Variants in MAGI2 observed in about 807,000 individuals in gnomAD.
MAGI2 encodes the protein membrane associated guanylate kinase, WW and PDZ domain containing 2.
A neutral mutation model predicts 133.3 loss-of-function variants in MAGI2; 35 were observed. The ratio of observed to expected loss-of-function variants is 0.26; its 90% CI spans 0.20 to 0.35. The LOEUF is 0.35. Ranked by LOEUF, MAGI2 falls within the 10% of genes least tolerant of loss-of-function variation. The probability of loss-of-function intolerance (pLI) is 1.00; values close to 1 mark genes in which losing one functional copy is unlikely to be tolerated. For synonymous variants in MAGI2, 729 were observed against 710.6 expected (o/e 1.03, Z -0.41); for missense variants, 1,636 against 1,863.4 (o/e 0.88, Z 2.25).
intron 1 of MAGI2, among the ~76,000 whole-genome samples, chr7:79,424,674 A>T (rs186300492): frequency 6.6e-6 from 1 of 152,252 alleles, no homozygotes; most frequent in Non-Finnish European, 1.5e-5. Context: ...AATTACATAA[A>T]TTTTTTGTCC....
chr7:78,866,860 C>T (rs918270779), intron 2 of MAGI2, among the ~76,000 whole-genome samples: 2 of 152,044 alleles, frequency 1.3e-5, no homozygotes, highest in Non-Finnish European at 2.9e-5. Context: ...TCAGAACAAC[C>T]CCATCAAAAA....
intron 2 of MAGI2, among the ~76,000 whole-genome samples, chr7:78,676,526 T>C (rs571082233): frequency 6.6e-5 from 10 of 152,132 alleles, no homozygotes; most frequent in Non-Finnish European, 1.5e-4. Context: ...GATGCTTTTT[T>C]AAAGTATATA....
chr7:78,692,804 A>G (rs1027496435), intron 2 of MAGI2, among the ~76,000 whole-genome samples: 1 of 152,160 alleles, frequency 6.6e-6, no homozygotes, highest in Non-Finnish European at 1.5e-5. Flanking sequence ...ATAATTAACC[A>G]CTACTTAGTG....
intron 21 of MAGI2, among the ~76,000 whole-genome samples, chr7:78,048,866 TG>T (rs1811706428): frequency 6.6e-6 from 1 of 152,144 alleles, no homozygotes; most frequent in Admixed American, 6.5e-5. Context: ...CCCAGCACTT[TG>T]GGAGGCTGAG....
intron 6 of MAGI2, among the ~76,000 whole-genome samples, chr7:78,387,925 CAAATAAATAAATAAATAAATAAATAAAT>C (rs71085527): frequency 4.0e-4 from 58 of 145,348 alleles, no homozygotes; most frequent in African/African-American, 1.5e-3. Context: ...AACTCTGTCT[CAAATAAATAAATAAATAAATAAATAAAT>C]AAATAAATAA....
At chr7:78,755,400 T>C (rs1823849088) in intron 2 of MAGI2, among the ~76,000 whole-genome samples, 2 of 152,220 alleles carry the variant, frequency 1.3e-5, no homozygotes, top group Admixed American at 6.5e-5. Flanking sequence ...ATATTTGCAA[T>C]GGGAAAGCTG....
At chr7:78,142,254 G>T (rs573112850) in intron 16 of MAGI2, among the ~76,000 whole-genome samples, 1 of 152,094 alleles carries the variant, frequency 6.6e-6, no homozygotes, top group Non-Finnish European at 1.5e-5. Flanking sequence ...TTTTGCGCTA[G>T]ACCCTGCAAA....
chr7:78,824,696 C>G (rs1790468109), intron 2 of MAGI2, among the ~76,000 whole-genome samples: 1 of 152,084 alleles, frequency 6.6e-6, no homozygotes, highest in Admixed American at 6.6e-5. Context: ...GAGTAGATTG[C>G]AAACATTTTC....
intron 1 of MAGI2, among the ~76,000 whole-genome samples, chr7:79,007,605 A>G (rs1200358419): frequency 6.6e-6 from 1 of 152,110 alleles, no homozygotes; most frequent in Non-Finnish European, 1.5e-5. Context: ...TTTTCTGTCT[A>G]TAAATTTGAC....
chr7:78,788,935 G>T (rs999847952), intron 2 of MAGI2, among the ~76,000 whole-genome samples: 1 of 152,014 alleles, frequency 6.6e-6, no homozygotes, highest in African/African-American at 2.4e-5. Context: ...GTACCCCTAC[G>T]AGAGGCCCGC....
At chr7:78,223,641 A>G (rs1290252272) in intron 10 of MAGI2, among the ~76,000 whole-genome samples, 4 of 152,216 alleles carry the variant, frequency 2.6e-5, no homozygotes, top group Non-Finnish European at 4.4e-5. Flanking sequence ...GTTGATAAGG[A>G]CTTAACAAGA....
At chr7:78,456,267 T>C (rs1789311234) in intron 6 of MAGI2, among the ~76,000 whole-genome samples, 1 of 152,186 alleles carries the variant, frequency 6.6e-6, no homozygotes, top group African/African-American at 2.4e-5. Context: ...GCTCAGCTTA[T>C]GCTAAACTTT....
chr7:78,452,278 A>G (rs1393990734), intron 6 of MAGI2, among the ~76,000 whole-genome samples: 1 of 152,020 alleles, frequency 6.6e-6, no homozygotes, highest in Non-Finnish European at 1.5e-5. Flanking sequence ...ATTTGACCCC[A>G]AAGCCCATAC....
chr7:78,456,701 C>G (rs1789356073), intron 6 of MAGI2, among the ~76,000 whole-genome samples: 1 of 152,056 alleles, frequency 6.6e-6, no homozygotes, highest in African/African-American at 2.4e-5. Flanking sequence ...GTGATGAACC[C>G]TACGGACGTA....
chr7:78,557,097 A>AGAAAG (rs751005515), intron 3 of MAGI2, among the ~76,000 whole-genome samples: 14,255 of 138,876 alleles, frequency 0.1, 1,471 homozygotes, highest in East Asian at 0.5. Flanking sequence ...AAAAAAAAAA[A>AGAAAG]AAAGAAAAAG....
rs1249202059 is a variant in MAGI2, at chr7:78,345,919, T to C, written c.1225+3A>G. On this transcript the variant is annotated splice_donor_region_variant and intron_variant, in intron 8 of 21. Transcript: ENST00000354212. ...AAACATCACATGCTGACAGGTATCA[T>C]ACCTCGGAAACCTGGGGCCTGCAGG... 2 of 1,613,782 alleles carry C rather than the reference T, an allele frequency of 1.2e-6. No individual in the cohort carries two copies. The highest frequency in any genetic ancestry group is 1.7e-6 in the Non-Finnish European group (2 of 1,179,960).
chr7:79,103,687 A>G (rs1251467942), intron 1 of MAGI2, among the ~76,000 whole-genome samples: 2 of 151,512 alleles, frequency 1.3e-5, no homozygotes, highest in Non-Finnish European at 2.9e-5. Flanking sequence ...TTATTTATTT[A>G]TTTATTTATT....
intron 2 of MAGI2, among the ~76,000 whole-genome samples, chr7:78,655,979 T>C (rs1812218105): frequency 2.2e-5 from 1 of 45,096 alleles, no homozygotes. Context: ...AGACTCCGTC[T>C]CAAAAAAAAA....
At chr7:78,458,576 T>C (rs976803542) in intron 6 of MAGI2, among the ~76,000 whole-genome samples, 12 of 151,802 alleles carry the variant, frequency 7.9e-5, no homozygotes, top group African/African-American at 2.9e-4. Flanking sequence ...GTTACATGAG[T>C]AACAAATAAT....
Sources: allele counts gnomAD v4.1 joint callset (sites outside exome capture counted in the v4.1 genomes callset), GRCh38; gene constraint gnomAD v4.1.1; transcripts MANE v1.5; gene names NCBI Gene and HGNC (gene_info 2026-07-23, HGNC 2026-07-21).